The following TMEM178A variants were observed in gnomAD, a reference collection of about 807,000 sequenced individuals.
The protein encoded by TMEM178A is transmembrane protein 178A, also known as transmembrane protein 178.
A neutral mutation model predicts 29.1 loss-of-function variants in TMEM178A; 12 were observed. That is an observed-to-expected ratio of 0.41 (90% CI 0.26 to 0.67). The LOEUF (loss-of-function observed/expected upper bound fraction) is 0.67. Ranked by LOEUF, TMEM178A falls within the 30% of genes least tolerant of loss-of-function variation. The pLI, the probability that TMEM178A is intolerant of heterozygous loss-of-function variation, is 0.29. For synonymous variants in TMEM178A, 210 were observed against 187.2 expected (o/e 1.12, Z -0.99); for missense variants, 366 against 419.1 (o/e 0.87, Z 1.11).
chr2:39,717,335 T>G lies in TMEM178A; in HGVS notation c.*84T>G. ...TCAGGAGTCCAAGCACAAAGCGGTC[T>G]TTTACATTCCAACCTGTTGCCTGCC... On this transcript the variant is annotated 3_prime_UTR_variant, in exon 4 of 4. Coordinates refer to ENST00000281961, the MANE Select transcript of TMEM178A (RefSeq NM_152390.3). 1 of 1,513,742 alleles carries G rather than the reference T, an allele frequency of 6.6e-7. No individual in the cohort carries two copies. Among genetic ancestry groups the G allele is most frequent in the Non-Finnish European group, 8.8e-7 (1 of 1,130,348 alleles). The allele number at this position is 1,513,742 out of a possible 1,614,324, so 93.8% of individuals were successfully genotyped here. A position where few individuals can be genotyped will look rare whatever the true frequency, so the allele number is the denominator to read the frequency against.
At chr2:39,731,473 A>T in the TMEM178A span, among the ~76,000 whole-genome samples, 1 of 152,244 alleles carries the variant, frequency 6.6e-6, no homozygotes. Context: ...GGGTAGGTAC[A>T]AAGAGAGCAA....
rs141827016 is a variant in TMEM178A at position 39,717,160 on chromosome 2, T to C, written c.803T>C (p.Ile268Thr). Residue 268 changes from isoleucine (I) to threonine (T), a missense_variant, in exon 4 of 4, where the codon ATT becomes ACT. Around this residue, in one of 2 missense-constraint regions of TMEM178A, gnomAD observed 119 missense variants for 172.2 expected, o/e 0.69. Coordinates refer to ENST00000281961, the MANE Select transcript of TMEM178A (RefSeq NM_152390.3). The stretch of plus-strand genomic sequence containing the variant: ...TGCGCCTGGTGCAGTTTAGGCTTTA[T>C]TGTGGCAGCTGGAGGTCTCTGCATC... ...IFCAWCSLGF[I>T]VAAGGLCIAY... The C allele has an allele frequency of 3.0e-4, 482 of 1,613,214 alleles. 1 individual carries two copies. Among genetic ancestry groups the C allele is most frequent in the Middle Eastern group, 9.9e-4 (6 of 6,084 alleles).
At chr2:39,722,829 A>T (rs1672729032), downstream of TMEM178A, among the ~76,000 whole-genome samples, 1 of 152,180 alleles carries the variant, frequency 6.6e-6, no homozygotes, top group Admixed American at 6.5e-5. Flanking sequence ...GTTGGCCCAG[A>T]GTCTGACCAG....
At chr2:39,716,046 C>G (rs1475967359) in intron 3 of TMEM178A, among the ~76,000 whole-genome samples, 2 of 152,170 alleles carry the variant, frequency 1.3e-5, no homozygotes, top group African/African-American at 4.8e-5. Flanking sequence ...TAAATGTTGT[C>G]TCTGTTGTAT....
intron 1 of TMEM178A, among the ~76,000 whole-genome samples, chr2:39,666,642 T>C (rs1454552106): frequency 1.3e-5 from 2 of 152,138 alleles, no homozygotes; most frequent in Non-Finnish European, 1.5e-5. Context: ...TCTGTCTCCT[T>C]CTTTCCTGCC....
At chr2:39,725,451 G>C in the TMEM178A span, among the ~76,000 whole-genome samples, 1 of 152,088 alleles carries the variant, frequency 6.6e-6, no homozygotes, top group Non-Finnish European at 1.5e-5. Flanking sequence ...ATATCACAAA[G>C]GAAGAAAAAA....
At chr2:39,690,528 G>GC (rs1349670963) in intron 1 of TMEM178A, among the ~76,000 whole-genome samples, 1 of 152,178 alleles carries the variant, frequency 6.6e-6, no homozygotes, top group Non-Finnish European at 1.5e-5. Context: ...ATACTAAGAT[G>GC]CCCCCCACTG....
chr2:39,710,004 A>G (rs1010232378), intron 3 of TMEM178A, among the ~76,000 whole-genome samples: 1 of 152,200 alleles, frequency 6.6e-6, no homozygotes, highest in African/African-American at 2.4e-5. Context: ...GTTCAATGGC[A>G]GGTGGGCACA....
intron 1 of TMEM178A, chr2:39,698,123 A>G (rs996658160): frequency 1.3e-5 from 2 of 152,238 alleles, no homozygotes; most frequent in South Asian, 2.1e-4. Flanking sequence ...TTGACAGTAC[A>G]TGTAGCAACT....
At chr2:39,724,188 G>C in the TMEM178A span, among the ~76,000 whole-genome samples, 2 of 152,052 alleles carry the variant, frequency 1.3e-5, no homozygotes, top group East Asian at 3.9e-4. Context: ...GCTGCTCAAA[G>C]ATCTCTATTT....
At chr2:39,726,652 G>A in the TMEM178A span, among the ~76,000 whole-genome samples, 3 of 152,308 alleles carry the variant, frequency 2.0e-5, no homozygotes, top group South Asian at 6.2e-4. Flanking sequence ...CCAGTACTGG[G>A]CGTTTAGGTC....
chr2:39,704,027 G>T, intron 1 of TMEM178A, 54 bp from the exon 2 acceptor site: 2 of 1,518,362 alleles, frequency 1.3e-6, no homozygotes. Flanking sequence ...TCAGGTCTCA[G>T]AATTCTGTTA....
chr2:39,677,275 C>T (rs1238022587), intron 1 of TMEM178A, among the ~76,000 whole-genome samples: 1 of 152,154 alleles, frequency 6.6e-6, no homozygotes, highest in Admixed American at 6.5e-5. Flanking sequence ...AGAATCTGTT[C>T]AAGCCAGGCT....
chr2:39,709,226 A>G (rs371570808), intron 3 of TMEM178A, among the ~76,000 whole-genome samples: 3 of 152,286 alleles, frequency 2.0e-5, no homozygotes, highest in Non-Finnish European at 4.4e-5. Flanking sequence ...GCCTTAAGGA[A>G]CCCACATCAC....
chr2:39,727,108 G>A, the TMEM178A span, among the ~76,000 whole-genome samples: 1 of 152,180 alleles, frequency 6.6e-6, no homozygotes, highest in Non-Finnish European at 1.5e-5. Flanking sequence ...GTTCCAGAGA[G>A]TGGTTTCATC....
intron 1 of TMEM178A, among the ~76,000 whole-genome samples, chr2:39,675,507 C>G (rs1040843879): frequency 6.6e-6 from 1 of 152,114 alleles, no homozygotes; most frequent in African/African-American, 2.4e-5. Flanking sequence ...TCCCCGTTGA[C>G]TTAACCACCG....
At position 39,666,142 on chromosome 2, in the gene TMEM178A, G is replaced by A; in HGVS notation, c.168G>A (p.Lys56=). 1 of 1,529,172 alleles carries A rather than the reference G, an allele frequency of 6.5e-7. No individual in the cohort carries two copies. Among genetic ancestry groups the A allele is most frequent in the Non-Finnish European group, 8.7e-7 (1 of 1,144,602 alleles). The allele number at this position is 1,529,172 out of a possible 1,614,324, so 94.7% of individuals were successfully genotyped here. A position where few individuals can be genotyped will look rare whatever the true frequency, so the allele number is the denominator to read the frequency against. The change falls in exon 1 of 4, where the codon AAG becomes AAA. Residue 56 remains lysine, a synonymous_variant. Transcript: ENST00000281961. ...CGGGCGCCGACCCCCCGGACCAGAA[G>A]AACCGCCTGATGCCGCTGTCGCACC... is the stretch of plus-strand genomic sequence containing the variant. ...SRAGADPPDQ[K]NRLMPLSHLP...
Position 39,666,121 on chromosome 2 carries a change from C to T in TMEM178A, c.147C>T (p.Gly49=). The change falls in exon 1 of 4, where the codon GGC becomes GGT. Residue 49 remains glycine (G), a synonymous_variant. Transcript: ENST00000281961. ...AGAGCTGCGAGCGCAGCCGCGCGGG[C>T]GCCGACCCCCCGGACCAGAAGAACC... ...HKESCERSRA[G]ADPPDQKNRL... The T allele has an allele frequency of 1.3e-6, 2 of 1,550,460 alleles. No individual in the cohort carries two copies. The highest frequency in any genetic ancestry group is 2.6e-5 in the East Asian group (1 of 37,814).
intron 1 of TMEM178A, chr2:39,687,395 A>C (rs1222419459): frequency 6.0e-6 from 1 of 167,044 alleles, no homozygotes; most frequent in Admixed American, 6.6e-5. Flanking sequence ...CACTTGGTCA[A>C]GAGGAGGTTT....
Sources: allele counts gnomAD v4.1 joint callset (sites outside exome capture counted in the v4.1 genomes callset), GRCh38; gene constraint gnomAD v4.1.1; regional missense constraint gnomAD v4.1.1; transcripts MANE v1.5; gene names NCBI Gene and HGNC (gene_info 2026-07-23, HGNC 2026-07-21).